RSRC1: variants seen among roughly 807,000 people sequenced by gnomAD.
RSRC1 encodes arginine and serine rich coiled-coil 1.
Under a neutral mutation model 49.1 loss-of-function variants are expected in RSRC1, and 39 were observed. The ratio of observed to expected loss-of-function variants is 0.79; its 90% confidence interval spans 0.61 to 1.04. RSRC1 has a LOEUF of 1.04. Among genes scored for constraint, RSRC1 ranks in the 50% least tolerant of loss-of-function variants. The pLI, the probability that RSRC1 is intolerant of heterozygous loss-of-function variation, is 0.00. For missense variants in RSRC1, 388 were observed against 402.4 expected, an observed-to-expected ratio of 0.96 and a Z score of 0.31; for synonymous variants, 143 against 130.8, an observed-to-expected ratio of 1.09 and a Z score of -0.63.
chr3:158,516,818 G>A (rs187926644), intron 7 of RSRC1, among the ~76,000 whole-genome samples: 421 of 152,284 alleles, frequency 2.8e-3, no homozygotes, highest in African/African-American at 9.8e-3. Flanking sequence ...TTTTAAGCCC[G>A]TCGGAAAAGT....
At chr3:158,424,212 G>T (rs1284833536) in intron 6 of RSRC1, among the ~76,000 whole-genome samples, 5 of 151,988 alleles carry the variant, frequency 3.3e-5, no homozygotes, top group Non-Finnish European at 5.9e-5. Context: ...ACTGGCTGTG[G>T]GTTTGTCATA....
rs185986777 is a variant in RSRC1 at position 158,373,294 on chromosome 3, T to G, written c.583+18386T>G. 1.6e-4 allele frequency among the ~76,000 whole-genome samples: 24 copies of G among 152,070 alleles called. No homozygotes were observed. In the East Asian group the frequency reaches 4.0e-3, roughly 26 times the overall value. ...AGTAAAAGTGTAAGAGTGGATATCC[T>G]TCATTTATTTCTGATCCTAATGAGA... On this transcript the variant is annotated intron_variant, in intron 6 of 9. Transcript: ENST00000611884.
chr3:158,425,002 C>T (rs1735324392), intron 6 of RSRC1, among the ~76,000 whole-genome samples: 1 of 150,930 alleles, frequency 6.6e-6, no homozygotes, highest in African/African-American at 2.4e-5. Context: ...AGCGGTCTAT[C>T]AATTTTGTTG....
At chr3:158,122,641 A>G (rs1228599788) in intron 2 of RSRC1, among the ~76,000 whole-genome samples, 2 of 152,106 alleles carry the variant, frequency 1.3e-5, no homozygotes, top group African/African-American at 2.4e-5. Context: ...CAGGTTTGTT[A>G]CATATGTATA....
intron 6 of RSRC1, among the ~76,000 whole-genome samples, chr3:158,358,092 A>G (rs1316719178): frequency 6.6e-6 from 1 of 152,216 alleles, no homozygotes; most frequent in Non-Finnish European, 1.5e-5. Flanking sequence ...TCTGAAAGGC[A>G]TATGAAGGAC....
At chr3:158,472,045 TAA>T (rs1038741525) in intron 7 of RSRC1, among the ~76,000 whole-genome samples, 11 of 152,140 alleles carry the variant, frequency 7.2e-5, no homozygotes, top group African/African-American at 2.7e-4. Flanking sequence ...CACTAAAAAA[TAA>T]AAACTTTATG....
intron 7 of RSRC1, among the ~76,000 whole-genome samples, chr3:158,462,564 T>C (rs975334156): frequency 6.6e-6 from 1 of 151,984 alleles, no homozygotes; most frequent in Non-Finnish European, 1.5e-5. Flanking sequence ...ATCACAGATA[T>C]TGAAATTTCA....
chr3:158,341,824 G>A (rs1730259584), intron 5 of RSRC1, among the ~76,000 whole-genome samples: 1 of 152,062 alleles, frequency 6.6e-6, no homozygotes, highest in Non-Finnish European at 1.5e-5. Flanking sequence ...CGGGAGGGAG[G>A]CTGTACCAGG....
intron 1 of RSRC1, among the ~76,000 whole-genome samples, chr3:158,116,980 A>G (rs1345425809): frequency 6.6e-6 from 1 of 152,126 alleles, no homozygotes; most frequent in African/African-American, 2.4e-5. Context: ...AACTTCATGA[A>G]AAGGGGAGAG....
intron 7 of RSRC1, among the ~76,000 whole-genome samples, chr3:158,517,789 T>C (rs912992914): frequency 2.3e-5 from 3 of 130,772 alleles, no homozygotes; most frequent in Admixed American, 7.8e-5. Flanking sequence ...TTTTTTTTTT[T>C]TTTTGTTGAG....
chr3:158,368,152 T>G (rs1731879793), intron 6 of RSRC1, among the ~76,000 whole-genome samples: 1 of 152,232 alleles, frequency 6.6e-6, no homozygotes, highest in Non-Finnish European at 1.5e-5. Context: ...GTGATATGTT[T>G]AAGCCTAGCT....
intron 6 of RSRC1, among the ~76,000 whole-genome samples, chr3:158,397,360 G>T (rs1733667933): frequency 6.6e-6 from 1 of 152,130 alleles, no homozygotes; most frequent in African/African-American, 2.4e-5. Flanking sequence ...ATAGTGACAT[G>T]GTAAGTTTGG....
intron 6 of RSRC1, among the ~76,000 whole-genome samples, chr3:158,383,514 A>G (rs1289699850): frequency 1.3e-5 from 2 of 152,124 alleles, no homozygotes; most frequent in African/African-American, 4.8e-5. Context: ...GAAAATATCT[A>G]TCAAATCATT....
At chr3:158,244,156 A>G (rs1251012480) in intron 4 of RSRC1, among the ~76,000 whole-genome samples, 3 of 152,060 alleles carry the variant, frequency 2.0e-5, no homozygotes, top group African/African-American at 7.2e-5. Flanking sequence ...AACTTCCAAT[A>G]CTATGTTGAA....
intron 4 of RSRC1, 79 bp downstream of exon 4, chr3:158,203,324 G>T: frequency 7.0e-7 from 1 of 1,431,398 alleles, no homozygotes. Context: ...GTTCTCTGAG[G>T]TTTTTCTTGT....
chr3:158,134,998 G>T (rs1300424186), intron 3 of RSRC1, among the ~76,000 whole-genome samples: 1 of 152,038 alleles, frequency 6.6e-6, no homozygotes, highest in Admixed American at 6.6e-5. Context: ...TTAATTTATT[G>T]ATAATTTTTT....
At chr3:158,435,889 G>A (rs1224907041) in intron 6 of RSRC1, among the ~76,000 whole-genome samples, 1 of 151,606 alleles carries the variant, frequency 6.6e-6, no homozygotes, top group Non-Finnish European at 1.5e-5. Context: ...GAAGTTTTGA[G>A]GAGTTATGCC....
intron 6 of RSRC1, among the ~76,000 whole-genome samples, chr3:158,448,899 T>G (rs1736874696): frequency 6.6e-6 from 1 of 151,902 alleles, no homozygotes; most frequent in African/African-American, 2.4e-5. Flanking sequence ...TTGGAACTGT[T>G]ATAAAGTTTA....
At chr3:158,363,646 A>T (rs1377756960) in intron 6 of RSRC1, among the ~76,000 whole-genome samples, 1 of 152,146 alleles carries the variant, frequency 6.6e-6, no homozygotes, top group African/African-American at 2.4e-5. Flanking sequence ...AAAATGCATA[A>T]CCTTATTCTA....
Sources: gnomAD v4.1 joint callset for allele counts (sites outside exome capture counted in the v4.1 genomes callset) on GRCh38, gnomAD v4.1.1 for gene constraint, MANE v1.5 for transcripts, NCBI Gene and HGNC (gene_info 2026-07-23, HGNC 2026-07-21) for gene names.